Variants in LRIF1 observed in about 807,000 individuals in gnomAD.
LRIF1 encodes the protein ligand dependent nuclear receptor interacting factor 1.
In LRIF1, 32 loss-of-function variants were observed where a neutral mutation model predicts 52.7. The ratio of observed to expected loss-of-function variants is 0.61; its 90% CI spans 0.46 to 0.82. LRIF1 has a LOEUF of 0.82. Among genes scored for constraint, LRIF1 ranks in the 40% least tolerant of loss-of-function variants. The pLI is 0.00. For missense variants in LRIF1, 887 were observed against 892.0 expected (o/e 0.99, Z 0.07); for synonymous variants, 323 against 317.4 (o/e 1.02, Z -0.19).
intron 1 of LRIF1, among the ~76,000 whole-genome samples, chr1:110,953,990 AAT>A (rs1658592335): frequency 6.6e-6 from 1 of 152,210 alleles, no homozygotes; most frequent in African/African-American, 2.4e-5. Context: ...ATATTCTACC[AAT>A]ATGAGTGCAG....
chr1:110,878,573 A>T, the LRIF1 span, among the ~76,000 whole-genome samples: 1 of 152,116 alleles, frequency 6.6e-6, no homozygotes, highest in Non-Finnish European at 1.5e-5. Flanking sequence ...ATTTTTTTTT[A>T]AAGAAAGCAT....
At chr1:110,926,449 T>C in the LRIF1 span, among the ~76,000 whole-genome samples, 1 of 151,966 alleles carries the variant, frequency 6.6e-6, no homozygotes, top group Non-Finnish European at 1.5e-5. Context: ...ATATATATTA[T>C]ATTTATACTA....
At chr1:110,947,155 C>T (rs1658231862), downstream of LRIF1, 1 of 152,184 alleles carries the variant, frequency 6.6e-6, no homozygotes, top group Non-Finnish European at 1.5e-5. Flanking sequence ...CATTCCCAAA[C>T]TTTCCCAAAT....
chr1:110,884,881 G>T, the LRIF1 span, among the ~76,000 whole-genome samples: 1 of 151,712 alleles, frequency 6.6e-6, no homozygotes, highest in Non-Finnish European at 1.5e-5. Flanking sequence ...ATTGGGTCTT[G>T]TTTTTTCAAT....
the LRIF1 span, among the ~76,000 whole-genome samples, chr1:110,928,087 C>A: frequency 2.0e-5 from 3 of 152,208 alleles, no homozygotes; most frequent in South Asian, 6.2e-4. Flanking sequence ...TTTTGGCTAT[C>A]TTTTAAGTAA....
At chr1:110,954,985 T>C (rs1658636980) in intron 1 of LRIF1, among the ~76,000 whole-genome samples, 1 of 152,256 alleles carries the variant, frequency 6.6e-6, no homozygotes. Flanking sequence ...TTCAATTAAA[T>C]TATCACTTAC....
the LRIF1 span, among the ~76,000 whole-genome samples, chr1:110,929,792 T>G: frequency 3.9e-5 from 6 of 152,086 alleles, no homozygotes; most frequent in Non-Finnish European, 8.8e-5. Context: ...TTCTCACTTA[T>G]AAATGGGAGC....
chr1:110,942,375 T>A (rs1001877364), downstream of LRIF1: 5 of 152,146 alleles, frequency 3.3e-5, no homozygotes, highest in Non-Finnish European at 7.4e-5. Context: ...AAGGTCATTT[T>A]TATTTTTTTA....
the LRIF1 span, among the ~76,000 whole-genome samples, chr1:110,901,756 G>A: frequency 0.41 from 62,938 of 152,058 alleles, 14,766 homozygotes; most frequent in Admixed American, 0.55. Context: ...GATTATAGGC[G>A]TGAGGCACCG....
At chr1:110,934,638 A>C in the LRIF1 span, among the ~76,000 whole-genome samples, 4 of 152,200 alleles carry the variant, frequency 2.6e-5, no homozygotes, top group Admixed American at 2.0e-4. Context: ...AGTGGGAAAC[A>C]CTGTGTTTTG....
At chr1:110,940,147 A>T in the LRIF1 span, 1 of 152,122 alleles carries the variant, frequency 6.6e-6, no homozygotes, top group African/African-American at 2.4e-5. Context: ...AGGAAAAAAA[A>T]ATCTGATCAA....
the LRIF1 span, chr1:110,894,990 G>T: frequency 6.2e-7 from 1 of 1,613,966 alleles, no homozygotes. Context: ...GGGTCTGACC[G>T]ACAGCATCCA....
the LRIF1 span, chr1:110,896,876 G>A: frequency 3.0e-6 from 2 of 661,018 alleles, no homozygotes; most frequent in Non-Finnish European, 2.6e-6. Flanking sequence ...CAACAACCTT[G>A]GGTAATTAGA....
intron 1 of LRIF1, among the ~76,000 whole-genome samples, chr1:110,953,669 G>A (rs1658574818): frequency 6.6e-6 from 1 of 152,038 alleles, no homozygotes; most frequent in Non-Finnish European, 1.5e-5. Context: ...TTAGTTATTT[G>A]GAGATTACTT....
chr1:110,897,067 G>C, the LRIF1 span, among the ~76,000 whole-genome samples: 2 of 152,168 alleles, frequency 1.3e-5, no homozygotes, highest in Non-Finnish European at 2.9e-5. Flanking sequence ...AAATGTATAG[G>C]GTTGAGATAG....
In LRIF1 at chr1:110,947,875, T is replaced by C. The variant is rs998664441; in HGVS notation, c.*84A>G. The C allele has an allele frequency of 2.0e-6, 3 of 1,494,246 alleles. No individual in the cohort carries two copies. The Admixed American group carries it at 7.0e-5, about 35-fold the overall frequency. 92.6% of individuals were successfully genotyped at this position (1,494,246 alleles called of 1,614,324 possible). A position where few individuals can be genotyped will look rare whatever the true frequency, so the allele number is the denominator to read the frequency against. On this transcript the variant is annotated 3_prime_UTR_variant, in exon 4 of 4. Transcript: ENST00000369763. ...AACAAGCTTCATATTCAAAGACACTTTCAGAACACACCTACAATTAACTTA... is the reference window on the plus strand; with the variant it reads ...AACAAGCTTCATATTCAAAGACACTCTCAGAACACACCTACAATTAACTTA...
the LRIF1 span, among the ~76,000 whole-genome samples, chr1:110,882,193 A>G: frequency 6.6e-6 from 1 of 152,134 alleles, no homozygotes. Flanking sequence ...CAAGGTTGCA[A>G]ATATTTCCTT....
At chr1:110,875,669 C>T in the LRIF1 span, among the ~76,000 whole-genome samples, 1 of 152,100 alleles carries the variant, frequency 6.6e-6, no homozygotes, top group South Asian at 2.1e-4. Flanking sequence ...GCTCCTAGGA[C>T]CCATCTGCCA....
the LRIF1 span, among the ~76,000 whole-genome samples, chr1:110,889,120 T>A: frequency 5.6e-5 from 8 of 142,508 alleles, no homozygotes; most frequent in South Asian, 1.6e-3. Flanking sequence ...TTAATTTTTT[T>A]AAAATTCTAG....
Sources: allele counts gnomAD v4.1 joint callset (sites outside exome capture counted in the v4.1 genomes callset), GRCh38; gene constraint gnomAD v4.1.1; transcripts MANE v1.5; gene names NCBI Gene and HGNC (gene_info 2026-07-23, HGNC 2026-07-21).